Variants in TEX48 observed in about 807,000 individuals in gnomAD.
The protein encoded by TEX48 is testis expressed 48.
In TEX48, 10 loss-of-function variants were observed where a neutral mutation model predicts 13.2. The observed-to-expected ratio is 0.75, with a 90% CI of 0.47 to 1.28. The LOEUF is 1.28. Among genes scored for constraint, TEX48 ranks in the 50% most tolerant of loss-of-function variants. The pLI, the probability that TEX48 is intolerant of heterozygous loss-of-function variation, is 0.00. For synonymous variants in TEX48, 45 were observed against 52.3 expected (o/e 0.86, Z 0.60); for missense variants, 116 against 139.4 (o/e 0.83, Z 0.84).
At position 114,679,823 on chromosome 9, in the gene TEX48, A is replaced by G. The variant is rs149158496; in HGVS notation, c.-105+2212T>C. ...TTTTTCCCCTCACCTTGACTGACAC[A>G]GCAAATCATGTAGCCCACACCCTAG... On this transcript the variant is annotated intron_variant, in intron 1 of 4. Coordinates refer to ENST00000436752, the MANE Select transcript of TEX48 (RefSeq NM_001199233.2). 1.1e-4 allele frequency among the ~76,000 whole-genome samples: 16 copies of G among 152,306 alleles called. No individual in the cohort carries two copies. In the East Asian group the frequency reaches 3.1e-3, roughly 29 times the overall value.
intron 1 of TEX48, among the ~76,000 whole-genome samples, chr9:114,672,210 T>C (rs1024503427): frequency 2.0e-5 from 3 of 151,596 alleles, no homozygotes; most frequent in Non-Finnish European, 4.4e-5. Flanking sequence ...CCAGGTCCTA[T>C]GGAAAGGAAG....
chr9:114,681,340 A>G (rs997726772), intron 1 of TEX48, among the ~76,000 whole-genome samples: 1 of 152,128 alleles, frequency 6.6e-6, no homozygotes, highest in Non-Finnish European at 1.5e-5. Flanking sequence ...GAGAGCTTTG[A>G]GTTTTTGAAC....
At chr9:114,677,583 A>T (rs1828099471) in intron 1 of TEX48, among the ~76,000 whole-genome samples, 1 of 152,156 alleles carries the variant, frequency 6.6e-6, no homozygotes, top group South Asian at 2.1e-4. Flanking sequence ...GATGCACTTC[A>T]TAAGAAAGGA....
At chr9:114,677,560 T>G (rs1699964577) in intron 1 of TEX48, among the ~76,000 whole-genome samples, 1 of 152,128 alleles carries the variant, frequency 6.6e-6, no homozygotes, top group Admixed American at 6.5e-5. Context: ...CTTGTGTATG[T>G]TGAATGTAGA....
chr9:114,679,802 T>C (rs936656236), intron 1 of TEX48, among the ~76,000 whole-genome samples: 2 of 152,162 alleles, frequency 1.3e-5, no homozygotes, highest in African/African-American at 2.4e-5. Context: ...GTGCCTTTTT[T>C]CCCCTCACCT....
At chr9:114,675,740 T>A (rs570440934) in intron 1 of TEX48, among the ~76,000 whole-genome samples, 2 of 152,322 alleles carry the variant, frequency 1.3e-5, no homozygotes, top group South Asian at 4.1e-4. Context: ...CAGATCCAAC[T>A]CCTTTTGTGA....
In TEX48 at chr9:114,682,122, G is replaced by C. The variant is rs998726967; in HGVS notation, c.-192C>G. 7 of 152,324 alleles carry C rather than the reference G, an allele frequency of 4.6e-5. No individual in the cohort carries two copies. The highest frequency in any genetic ancestry group is 1.7e-4 in the African/African-American group (7 of 41,408). The allele number at this position is 152,324 out of a possible 1,614,324, so 9.4% of individuals were successfully genotyped here. ...TGTTGGGGCTGGGATGTTTGGACTG[G>C]ACCACAACAGCGAGGAGGAGGGAGA... On this transcript the variant is annotated 5_prime_UTR_variant, in exon 1 of 5. Transcript: ENST00000436752.
At chr9:114,671,190 A>G (rs551593477) in intron 3 of TEX48, among the ~76,000 whole-genome samples, 193 bp downstream of exon 3, 28 of 152,236 alleles carry the variant, frequency 1.8e-4, no homozygotes, top group African/African-American at 6.5e-4. Context: ...CATAGACTAC[A>G]CTTTAAGCAC....
chr9:114,673,403 G>A (rs558342413), intron 1 of TEX48, among the ~76,000 whole-genome samples: 184 of 151,106 alleles, frequency 1.2e-3, no homozygotes, highest in Non-Finnish European at 2.1e-3. Context: ...CCCTGGAGGC[G>A]GAGGTTGTGG....
rs143963108 is a variant in TEX48, at chr9:114,677,273, C to G, written c.-105+4762G>C. On this transcript the variant is annotated intron_variant, in intron 1 of 4. Transcript: ENST00000436752. ...TTTGTTTTTTTGTTTTTCCCTAGAC[C>G]TAGTGTCAGTGTCATGGGATTTTTT... 1.3e-4 allele frequency among the ~76,000 whole-genome samples: 19 copies of G among 143,834 alleles called. No individual in the cohort carries two copies. The East Asian group carries it at 3.6e-3, about 27-fold the overall frequency. 94.4% of individuals were successfully genotyped at this position (143,834 alleles called of 152,430 possible). A position where few individuals can be genotyped will look rare whatever the true frequency, so the allele number is the denominator to read the frequency against.
chr9:114,667,534 G>T (rs1827863733), intron 4 of TEX48, among the ~76,000 whole-genome samples: 1 of 152,168 alleles, frequency 6.6e-6, no homozygotes, highest in Non-Finnish European at 1.5e-5. Flanking sequence ...ACTGATGTGG[G>T]CCCCTGCCCT....
chr9:114,674,850 T>TG (rs1403055513), intron 1 of TEX48, among the ~76,000 whole-genome samples: 2 of 150,920 alleles, frequency 1.3e-5, no homozygotes, highest in Non-Finnish European at 3.0e-5. Flanking sequence ...TTCTTTTTTT[T>TG]TTTTTTTTTT....
rs1352486836 is a variant in TEX48, at chr9:114,668,394, G to A, written c.128-57C>T. On this transcript the variant is annotated intron_variant, in intron 3 of 4. Coordinates refer to ENST00000436752, the MANE Select transcript of TEX48 (RefSeq NM_001199233.2). ...GGGAGGCTTAGGTGAGATCACGGAA[G>A]TGAAGATGTTTTGCAAGCTCTGAAG... The A allele has an allele frequency of 4.0e-6, 6 of 1,491,290 alleles. No homozygotes were observed. The African/African-American group carries it at 5.6e-5, about 14-fold the overall frequency. The allele number at this position is 1,491,290 out of a possible 1,614,324, so 92.4% of individuals were successfully genotyped here. A position where few individuals can be genotyped will look rare whatever the true frequency, so the allele number is the denominator to read the frequency against.
intron 1 of TEX48, among the ~76,000 whole-genome samples, chr9:114,678,305 AC>A (rs1203366725): frequency 2.0e-5 from 3 of 152,068 alleles, no homozygotes; most frequent in African/African-American, 7.2e-5. Context: ...GCCCAAATAA[AC>A]TTTTTCAGGG....
At chr9:114,671,567 G>A (rs1001950342) in intron 2 of TEX48, 62 bp from the exon 3 acceptor site, 1 of 1,532,288 alleles carries the variant, frequency 6.5e-7, no homozygotes, top group Non-Finnish European at 8.7e-7. Flanking sequence ...ATGCCTATTG[G>A]AAATTGACTG....
At chr9:114,676,662 G>A (rs1204713838) in intron 1 of TEX48, among the ~76,000 whole-genome samples, 1 of 151,112 alleles carries the variant, frequency 6.6e-6, no homozygotes, top group Admixed American at 6.6e-5. Context: ...TGTTGCCCAG[G>A]CTGGAGTACA....
intron 1 of TEX48, among the ~76,000 whole-genome samples, chr9:114,678,020 T>C (rs917063675): frequency 6.6e-6 from 1 of 152,162 alleles, no homozygotes; most frequent in African/African-American, 2.4e-5. Flanking sequence ...AAAAGTTCAC[T>C]AGATGACTTA....
rs1285349144 is a variant in TEX48 at position 114,666,723 on chromosome 9, T to C, written c.283A>G (p.Arg95Gly). 3.3e-6 allele frequency: 5 copies of C among 1,534,142 alleles called. No individual in the cohort carries two copies. The South Asian group carries it at 6.0e-5, about 18-fold the overall frequency. ...TTTAAGTTTCTCTTGTAAAAATTTCTTTGGGAAGCATATGCATTCAGATCT... is the reference window on the plus strand; with the variant it reads ...TTTAAGTTTCTCTTGTAAAAATTTCCTTGGGAAGCATATGCATTCAGATCT... ...FEDLNAYASQ[R>G]NFYKRNLNRY... is the part of the protein sequence containing the mutation. Residue 95 changes from arginine to glycine, a missense_variant, in exon 5 of 5, where the codon AGA (arginine) becomes GGA (glycine). Transcript: ENST00000436752.
rs1340084107 is a variant in TEX48 at position 114,671,558 on chromosome 9, T to C, written c.5-53A>G. The stretch of plus-strand genomic sequence containing the variant: ...TGGGTTCCGGAATCTGAATTCCAGA[T>C]GCCTATTGGAAATTGACTGTGGTGG... On this transcript the variant is annotated intron_variant, in intron 2 of 4. Transcript: ENST00000436752. 2.6e-6 allele frequency: 4 copies of C among 1,532,808 alleles called. No individual in the cohort carries two copies. The Admixed American group carries it at 7.9e-5, about 30-fold the overall frequency. The allele number at this position is 1,532,808 out of a possible 1,614,324, so 95.0% of individuals were successfully genotyped here. A position where few individuals can be genotyped will look rare whatever the true frequency, so the allele number is the denominator to read the frequency against.
Sources: gnomAD v4.1 joint callset for allele counts (sites outside exome capture counted in the v4.1 genomes callset) on GRCh38, gnomAD v4.1.1 for gene constraint, MANE v1.5 for transcripts, NCBI Gene and HGNC (gene_info 2026-07-23, HGNC 2026-07-21) for gene names.